Variants in MICU1 observed in about 807,000 individuals in gnomAD.
MICU1 encodes mitochondrial calcium uptake 1.
Under a neutral mutation model 56.8 loss-of-function variants are expected in MICU1, and 45 were observed. The observed-to-expected ratio is 0.79, with a 90% confidence interval of 0.62 to 1.02. MICU1 has a LOEUF of 1.02. MICU1 is among the 50% of genes least tolerant of loss of function. MICU1 has a pLI of 0.00. For missense variants in MICU1, 504 were observed against 587.1 expected, an observed-to-expected ratio of 0.86 and a Z score of 1.46; for synonymous variants, 186 against 195.1, an observed-to-expected ratio of 0.95 and a Z score of 0.39.
intron 9 of MICU1, among the ~76,000 whole-genome samples, chr10:72,422,666 T>C (rs1044506687): frequency 5.3e-5 from 8 of 151,956 alleles, no homozygotes; most frequent in Non-Finnish European, 1.2e-4. Context: ...CCCTCAGTTC[T>C]TGAACCTTCT....
At chr10:72,511,479 G>C (rs908884114) in intron 5 of MICU1, among the ~76,000 whole-genome samples, 2 of 152,166 alleles carry the variant, frequency 1.3e-5, no homozygotes, top group Non-Finnish European at 2.9e-5. Context: ...AAGAACCACT[G>C]TTCATAAAGA....
chr10:72,420,228 T>C (rs1449650127), intron 9 of MICU1, among the ~76,000 whole-genome samples: 1 of 152,042 alleles, frequency 6.6e-6, no homozygotes, highest in Non-Finnish European at 1.5e-5. Flanking sequence ...CCGGGCTAAC[T>C]TTTTGTATTT....
At chr10:72,582,211 G>C (rs1396561337) in intron 1 of MICU1, among the ~76,000 whole-genome samples, 1 of 152,216 alleles carries the variant, frequency 6.6e-6, no homozygotes, top group Non-Finnish European at 1.5e-5. Context: ...TTACAGGTGT[G>C]AGCCACCATG....
intron 10 of MICU1, among the ~76,000 whole-genome samples, chr10:72,405,155 C>T (rs777827366): frequency 6.6e-6 from 1 of 151,496 alleles, no homozygotes; most frequent in Non-Finnish European, 1.5e-5. Flanking sequence ...GTGATCTGCC[C>T]GTCTCAGCCT....
chr10:72,557,118 T>C (rs1025163104), intron 3 of MICU1, among the ~76,000 whole-genome samples: 1 of 152,122 alleles, frequency 6.6e-6, no homozygotes, highest in East Asian at 1.9e-4. Context: ...GGCCTTTCTT[T>C]TAAAACAAGC....
At chr10:72,618,256 AT>A (rs1842027601) in intron 1 of MICU1, among the ~76,000 whole-genome samples, 2 of 152,106 alleles carry the variant, frequency 1.3e-5, no homozygotes, top group African/African-American at 4.8e-5. Flanking sequence ...TTTTCTAAAA[AT>A]AATTGCATAC....
intron 3 of MICU1, 112 bp from the exon 4 acceptor site, chr10:72,551,453 A>G: frequency 1.4e-6 from 1 of 727,520 alleles, no homozygotes; most frequent in East Asian, 3.3e-5. Context: ...TATTTTGGGA[A>G]GAAATTCTAT....
intron 6 of MICU1, among the ~76,000 whole-genome samples, chr10:72,491,665 T>C (rs1005609925): frequency 2.0e-5 from 3 of 152,186 alleles, no homozygotes; most frequent in African/African-American, 7.2e-5. Flanking sequence ...ATGTAACTAA[T>C]CTGGTCCTAT....
intron 8 of MICU1, among the ~76,000 whole-genome samples, chr10:72,432,852 T>A (rs1437733963): frequency 6.6e-6 from 1 of 152,192 alleles, no homozygotes; most frequent in Non-Finnish European, 1.5e-5. Flanking sequence ...CCAAACCACA[T>A]CACTCAGTTT....
intron 1 of MICU1, among the ~76,000 whole-genome samples, chr10:72,578,091 T>C (rs943249323): frequency 1.3e-5 from 2 of 152,160 alleles, no homozygotes; most frequent in South Asian, 2.1e-4. Flanking sequence ...AAAAAGTCTA[T>C]TGATGCTGCA....
At chr10:72,538,835 T>C (rs1191094406) in intron 4 of MICU1, among the ~76,000 whole-genome samples, 1 of 151,980 alleles carries the variant, frequency 6.6e-6, no homozygotes, top group Non-Finnish European at 1.5e-5. Context: ...AAGACCCAAC[T>C]ATATGATGCC....
chr10:72,503,864 AGAC>A lies in MICU1; in HGVS notation c.652+4288_652+4290del, dbSNP rs1867156484. 2.9e-5 allele frequency among the ~76,000 whole-genome samples: 3 copies of A among 101,932 alleles called. No individual in the cohort carries two copies. In the South Asian group the frequency reaches 8.6e-4, roughly 29 times the overall value. The allele number at this position is 101,932 out of a possible 152,430, so 66.9% of individuals were successfully genotyped here. Reference sequence around the variant, plus strand: ...TCAAGAACTCAATTCCATTTACAATAGACACACACACACACACACACACACACA... The same window carrying A: ...TCAAGAACTCAATTCCATTTACAATAACACACACACACACACACACACACA... On this transcript the variant is annotated intron_variant, in intron 6 of 11. Transcript: ENST00000361114.
chr10:72,521,504 C>T (rs1019439425), intron 5 of MICU1, among the ~76,000 whole-genome samples: 2 of 152,030 alleles, frequency 1.3e-5, no homozygotes, highest in African/African-American at 4.8e-5. Flanking sequence ...TAGTAAATGC[C>T]AGGCACTGTG....
intron 9 of MICU1, among the ~76,000 whole-genome samples, chr10:72,418,933 G>C (rs1564856296): frequency 6.6e-6 from 1 of 152,096 alleles, no homozygotes; most frequent in African/African-American, 2.4e-5. Context: ...GCTAACACAG[G>C]CTAGAAATTC....
intron 1 of MICU1, among the ~76,000 whole-genome samples, chr10:72,595,486 GACCA>G (rs1841355445): frequency 9.4e-6 from 1 of 106,066 alleles, no homozygotes; most frequent in Admixed American, 9.0e-5. Context: ...AAAAAAAAAA[GACCA>G]TATACATCAA....
intron 4 of MICU1, among the ~76,000 whole-genome samples, chr10:72,544,769 G>A (rs926186603): frequency 6.6e-6 from 1 of 152,160 alleles, no homozygotes; most frequent in Non-Finnish European, 1.5e-5. Flanking sequence ...AAATCGTACA[G>A]AATATTTTTT....
chr10:72,462,974 A>G (rs1053266879), intron 8 of MICU1, among the ~76,000 whole-genome samples: 1 of 152,230 alleles, frequency 6.6e-6, no homozygotes, highest in Non-Finnish European at 1.5e-5. Flanking sequence ...GGATTGACAA[A>G]TATTACAAAG....
chr10:72,544,170 C>A (rs1839843236), intron 4 of MICU1, among the ~76,000 whole-genome samples: 1 of 152,126 alleles, frequency 6.6e-6, no homozygotes, highest in African/African-American at 2.4e-5. Flanking sequence ...AGTCACGTAC[C>A]CGCTGCTTGC....
chr10:72,494,637 A>C (rs1364483074), intron 6 of MICU1, among the ~76,000 whole-genome samples: 2 of 152,022 alleles, frequency 1.3e-5, no homozygotes, highest in Admixed American at 1.3e-4. Context: ...AATAATATGA[A>C]ATACTACATG....
Sources: allele counts gnomAD v4.1 joint callset (sites outside exome capture counted in the v4.1 genomes callset), GRCh38; gene constraint gnomAD v4.1.1; transcripts MANE v1.5; gene names NCBI Gene and HGNC (gene_info 2026-07-23, HGNC 2026-07-21).